Variants in LYG1 observed in about 807,000 individuals in gnomAD.
The protein encoded by LYG1 is lysozyme g1, also known as lysozyme g-like protein 1.
In LYG1, 17 loss-of-function variants were observed where a neutral mutation model predicts 21.7. The ratio of observed to expected loss-of-function variants is 0.78; its 90% CI spans 0.54 to 1.18. The LOEUF (loss-of-function observed/expected upper bound fraction) is 1.18, where lower values mean the gene tolerates loss of function less well. LYG1 is among the 50% of genes most tolerant of loss of function. The pLI is 0.00. For synonymous variants in LYG1, 81 were observed against 87.4 expected, an observed-to-expected ratio of 0.93 and a Z score of 0.41; for missense variants, 211 against 238.1, an observed-to-expected ratio of 0.89 and a Z score of 0.75.
At chr2:99,303,179 T>C (rs2105307152), upstream of LYG1, among the ~76,000 whole-genome samples, 1 of 152,178 alleles carries the variant, frequency 6.6e-6, no homozygotes, top group East Asian at 1.9e-4. Flanking sequence ...CTCTCGGTTG[T>C]TGGCAGAGTT....
chr2:99,289,785 C>A (rs1030687989), intron 5 of LYG1, among the ~76,000 whole-genome samples: 1 of 152,170 alleles, frequency 6.6e-6, no homozygotes, highest in Admixed American at 6.5e-5. Context: ...ATTATCACTT[C>A]CATGTAGGTT....
At chr2:99,292,209 G>A (rs761452045) in intron 4 of LYG1, among the ~76,000 whole-genome samples, 5 of 152,168 alleles carry the variant, frequency 3.3e-5, no homozygotes, top group Admixed American at 2.0e-4. Flanking sequence ...CGCTTAAACC[G>A]GGGAGGTGGA....
At position 99,291,439 on chromosome 2, in the gene LYG1, G is replaced by A. The variant is rs2094118074; in HGVS notation, c.149-18C>T. On this transcript the variant is annotated intron_variant, in intron 4 of 6. Coordinates refer to ENST00000308528, the MANE Select transcript of LYG1 (RefSeq NM_174898.3). ...ACGAACTCCTAAACCAAACGCAAAA[G>A]GAATGATGCAGCTTGTTGTGACTTA... 1 of 1,612,944 alleles carries A rather than the reference G, an allele frequency of 6.2e-7. No homozygotes were observed. The highest frequency in any genetic ancestry group is 8.5e-7 in the Non-Finnish European group (1 of 1,179,396).
intron 5 of LYG1, among the ~76,000 whole-genome samples, chr2:99,290,077 C>T (rs778192132): frequency 3.3e-5 from 5 of 152,224 alleles, no homozygotes; most frequent in Admixed American, 6.5e-5. Flanking sequence ...GGGCTGGTCT[C>T]GCACTCCTGA....
At position 99,284,475 on chromosome 2, in the gene LYG1, A is replaced by T; in HGVS notation, c.503T>A (p.Val168Asp). The T allele has an allele frequency of 6.2e-7, 1 of 1,614,160 alleles. No individual in the cohort carries two copies. Among genetic ancestry groups the T allele is most frequent in the Non-Finnish European group, 8.5e-7 (1 of 1,180,030 alleles). ...ACAGCTCAGGTCCTGGCTGCTTCGG[A>T]CATAGCCAGCACCCCCACTGTAGGC... ...LCAYSGGAGY[V>D]RSSQDLSCDF... Residue 168 changes from valine to aspartate, a missense_variant, in exon 7 of 7, where the codon GTC becomes GAC. Val to Asp is a radical substitution (Grantham distance 152). Coordinates refer to ENST00000308528, the MANE Select transcript of LYG1 (RefSeq NM_174898.3).
upstream of LYG1, among the ~76,000 whole-genome samples, chr2:99,302,639 G>A (rs2094157922): frequency 6.6e-6 from 1 of 152,216 alleles, no homozygotes; most frequent in Admixed American, 6.5e-5. Context: ...TTTACGGAAT[G>A]AGTAAATGAA....
intron 2 of LYG1, among the ~76,000 whole-genome samples, chr2:99,298,258 G>C (rs2094142758): frequency 6.6e-6 from 1 of 152,156 alleles, no homozygotes; most frequent in African/African-American, 2.4e-5. Context: ...CAGCACAGTG[G>C]TCATGATGTC....
chr2:99,302,272 C>T (rs2094156951), upstream of LYG1, among the ~76,000 whole-genome samples: 5 of 152,286 alleles, frequency 3.3e-5, no homozygotes, highest in South Asian at 1.0e-3. Context: ...TGCCTTAGCT[C>T]CCTCCCCATA....
chr2:99,301,510 A>AGGG (rs1553526304), upstream of LYG1, among the ~76,000 whole-genome samples: 15 of 111,006 alleles, frequency 1.4e-4, no homozygotes, highest in South Asian at 3.1e-4. Context: ...GGAAGGAAGG[A>AGGG]AGGGAGGGAG....
intron 5 of LYG1, 34 bp downstream of exon 5, chr2:99,291,203 G>A (rs776360115): frequency 8.8e-6 from 14 of 1,599,328 alleles, no homozygotes; most frequent in Non-Finnish European, 1.7e-6. Flanking sequence ...CCACATAGCA[G>A]AATGGCCACA....
At chr2:99,299,961 C>G (rs559715586) in intron 1 of LYG1, among the ~76,000 whole-genome samples, 1 of 152,036 alleles carries the variant, frequency 6.6e-6, no homozygotes, top group Admixed American at 6.6e-5. Context: ...CATGCACGTA[C>G]AGCAACACTC....
At chr2:99,289,386 G>A (rs1200192377) in intron 5 of LYG1, among the ~76,000 whole-genome samples, 1 of 151,808 alleles carries the variant, frequency 6.6e-6, no homozygotes, top group Non-Finnish European at 1.5e-5. Flanking sequence ...AGCCCAGGAG[G>A]CAGAGGTTGC....
intron 4 of LYG1, 132 bp from the exon 5 acceptor site, chr2:99,291,553 T>A: frequency 9.6e-7 from 1 of 1,044,778 alleles, no homozygotes; most frequent in Non-Finnish European, 1.4e-6. Flanking sequence ...ATTTTGGTCT[T>A]AAATCTTTAG....
chr2:99,295,572 TC>T, intron 3 of LYG1, 55 bp downstream of exon 3: 1 of 1,588,998 alleles, frequency 6.3e-7, no homozygotes, highest in Non-Finnish European at 8.6e-7. Context: ...GCCATTGTGT[TC>T]CTGTGCTTAT....
intron 1 of LYG1, among the ~76,000 whole-genome samples, chr2:99,298,988 G>A (rs774712996): frequency 3.9e-5 from 6 of 152,152 alleles, no homozygotes; most frequent in Non-Finnish European, 8.8e-5. Context: ...CTGGAGTGCA[G>A]TGGTGCGATC....
At chr2:99,303,372 G>A (rs538352375), upstream of LYG1, among the ~76,000 whole-genome samples, 83 of 152,126 alleles carry the variant, frequency 5.5e-4, no homozygotes, top group African/African-American at 1.7e-3. Context: ...CAGCCCAGAG[G>A]GCCATGTTAG....
At chr2:99,298,878 C>A (rs1351777581) in intron 1 of LYG1, among the ~76,000 whole-genome samples, 1 of 151,958 alleles carries the variant, frequency 6.6e-6, no homozygotes, top group African/African-American at 2.4e-5. Context: ...GCCAACAGGC[C>A]TTTCTTTTTT....
At chr2:99,299,812 T>A (rs1258895246) in intron 1 of LYG1, among the ~76,000 whole-genome samples, 1 of 151,864 alleles carries the variant, frequency 6.6e-6, no homozygotes, top group Non-Finnish European at 1.5e-5. Flanking sequence ...ATTCCATTTT[T>A]AAAATGTTTA....
intron 5 of LYG1, among the ~76,000 whole-genome samples, chr2:99,288,545 T>A (rs1174906983): frequency 7.0e-6 from 1 of 142,230 alleles, no homozygotes; most frequent in Non-Finnish European, 1.6e-5. Context: ...TCTACATTCC[T>A]TTTTACTCTT....
Sources: gnomAD v4.1 joint callset for allele counts (sites outside exome capture counted in the v4.1 genomes callset) on GRCh38, gnomAD v4.1.1 for gene constraint, MANE v1.5 for transcripts, NCBI Gene and HGNC (gene_info 2026-07-23, HGNC 2026-07-21) for gene names.